PRRG1: variants seen among roughly 807,000 people sequenced by gnomAD.
PRRG1 encodes the protein transmembrane gamma-carboxyglutamic acid protein 1.
Under a neutral mutation model 11.8 loss-of-function variants are expected in PRRG1, and 5 were observed. The ratio of observed to expected loss-of-function variants is 0.42; its 90% confidence interval spans 0.22 to 0.89. The LOEUF (loss-of-function observed/expected upper bound fraction) is 0.89, where lower values mean the gene tolerates loss of function less well. Among genes scored for constraint, PRRG1 ranks in the 40% least tolerant of loss-of-function variants. The pLI, the probability that PRRG1 is intolerant of heterozygous loss-of-function variation, is 0.28. For missense variants in PRRG1, 155 were observed against 166.1 expected (o/e 0.93, Z 0.37); for synonymous variants, 66 against 60.4 (o/e 1.09, Z -0.43).
chrX:37,409,439 C>T (rs1932294918), intron 2 of PRRG1, among the ~76,000 whole-genome samples: 1 of 111,848 alleles, frequency 8.9e-6, no homozygotes, highest in African/African-American at 3.2e-5. Context: ...AAGAACAGGG[C>T]ATGGTAATGT....
At chrX:37,389,494 G>A (rs911851238) in intron 1 of PRRG1, among the ~76,000 whole-genome samples, 8 of 111,280 alleles carry the variant, frequency 7.2e-5, no homozygotes, top group African/African-American at 2.6e-4. Context: ...AAAGCCTCAG[G>A]AAACTTACAA....
intron 1 of PRRG1, among the ~76,000 whole-genome samples, chrX:37,364,813 GT>G (rs1240788861): frequency 2.1e-4 from 24 of 111,855 alleles, no homozygotes; most frequent in Non-Finnish European, 4.3e-4. Context: ...ATGGCATGTG[GT>G]TTTGCTTCTC....
intron 1 of PRRG1, among the ~76,000 whole-genome samples, chrX:37,396,218 C>T (rs1556378088): frequency 8.9e-6 from 1 of 112,610 alleles, no homozygotes; most frequent in East Asian, 2.8e-4. Context: ...TCTTAACTTA[C>T]AATTTTAAAA....
At chrX:37,435,665 A>C (rs1428484015) in intron 3 of PRRG1, among the ~76,000 whole-genome samples, 1 of 111,309 alleles carries the variant, frequency 9.0e-6, no homozygotes, top group African/African-American at 3.3e-5. Flanking sequence ...CTTACAGAGA[A>C]ATCCAAAAAC....
At chrX:37,409,266 A>T (rs1190777970) in intron 2 of PRRG1, among the ~76,000 whole-genome samples, 4 of 112,314 alleles carry the variant, frequency 3.6e-5, no homozygotes, top group African/African-American at 1.3e-4. Flanking sequence ...GTAGATCATC[A>T]TAAAGGTCTT....
At chrX:37,369,087 T>C (rs1930674853) in intron 1 of PRRG1, among the ~76,000 whole-genome samples, 1 of 112,144 alleles carries the variant, frequency 8.9e-6, no homozygotes, top group South Asian at 3.7e-4. Flanking sequence ...AAGGATAAAA[T>C]AGTATTTTGC....
chrX:37,350,475 T>C (rs2146912704), intron 1 of PRRG1, among the ~76,000 whole-genome samples: 1 of 111,664 alleles, frequency 9.0e-6, no homozygotes, highest in African/African-American at 3.3e-5. Context: ...GAGTGGATTA[T>C]TGGGCATGTG....
chrX:37,450,461 T>G (rs1921083884), intron 3 of PRRG1, among the ~76,000 whole-genome samples: 1 of 112,348 alleles, frequency 8.9e-6, no homozygotes. Flanking sequence ...CTGTAATTTT[T>G]TCCAAAGGGG....
intron 3 of PRRG1, among the ~76,000 whole-genome samples, chrX:37,432,258 T>G (rs1406668704): frequency 9.1e-6 from 1 of 110,171 alleles, no homozygotes; most frequent in Non-Finnish European, 1.9e-5. Context: ...CGGCTAATTT[T>G]TTGTATTTTT....
At chrX:37,428,101 C>A (rs1364119618) in intron 3 of PRRG1, among the ~76,000 whole-genome samples, 1 of 111,319 alleles carries the variant, frequency 9.0e-6, no homozygotes, top group Non-Finnish European at 1.9e-5. Context: ...CCCCCTGGGT[C>A]TCTACCACAA....
At chrX:37,442,027 T>C in intron 3 of PRRG1, 1 of 772,147 alleles carries the variant, frequency 1.3e-6, no homozygotes, top group Non-Finnish European at 1.6e-6. Flanking sequence ...CCTGGCAGAG[T>C]ACCTGTTTGA....
intron 1 of PRRG1, among the ~76,000 whole-genome samples, chrX:37,403,140 A>C (rs1214810499): frequency 9.1e-6 from 1 of 109,684 alleles, no homozygotes; most frequent in East Asian, 2.9e-4. Flanking sequence ...GTATATACCC[A>C]AATGACTATA....
intron 3 of PRRG1, among the ~76,000 whole-genome samples, chrX:37,448,447 G>A (rs1167183932): frequency 8.9e-6 from 1 of 111,844 alleles, no homozygotes; most frequent in East Asian, 2.8e-4. Flanking sequence ...CCAATCACAG[G>A]CTGAAGTGAA....
At chrX:37,405,177 A>G (rs907178520) in intron 1 of PRRG1, among the ~76,000 whole-genome samples, 23 of 112,032 alleles carry the variant, frequency 2.1e-4, no homozygotes, top group African/African-American at 5.2e-4. Context: ...CTATTACCAG[A>G]TCAAAGAGCT....
intron 1 of PRRG1, among the ~76,000 whole-genome samples, chrX:37,391,747 G>A (rs782590875): frequency 8.9e-6 from 1 of 111,803 alleles, no homozygotes; most frequent in East Asian, 2.8e-4. Context: ...GATTTATAGG[G>A]CATCTAGATT....
At chrX:37,394,827 C>T (rs1223770724) in intron 1 of PRRG1, among the ~76,000 whole-genome samples, 1 of 110,599 alleles carries the variant, frequency 9.0e-6, no homozygotes, top group Non-Finnish European at 1.9e-5. Flanking sequence ...AAATTTAAAA[C>T]ATCAAAGCAG....
intron 3 of PRRG1, among the ~76,000 whole-genome samples, chrX:37,439,192 C>T (rs1306534875): frequency 1.8e-5 from 2 of 111,962 alleles, no homozygotes; most frequent in Admixed American, 1.9e-4. Context: ...CTCTGGTTTT[C>T]CTTGAACTGT....
chrX:37,399,284 T>C (rs1369986566), intron 1 of PRRG1, among the ~76,000 whole-genome samples: 2 of 111,654 alleles, frequency 1.8e-5, no homozygotes, highest in African/African-American at 3.3e-5. Context: ...GCTGATCTCT[T>C]GGCAGAAACT....
intron 1 of PRRG1, among the ~76,000 whole-genome samples, chrX:37,382,011 T>C (rs1364771691): frequency 8.9e-6 from 1 of 111,765 alleles, no homozygotes; most frequent in Admixed American, 9.5e-5. Flanking sequence ...TGAGTCTTCA[T>C]ACATTTCACC....
Sources: gnomAD v4.1 joint callset for allele counts (sites outside exome capture counted in the v4.1 genomes callset) on GRCh38, gnomAD v4.1.1 for gene constraint, MANE v1.5 for transcripts, NCBI Gene and HGNC (gene_info 2026-07-23, HGNC 2026-07-21) for gene names.